The following TIMMDC1 variants were observed in gnomAD, a reference collection of about 807,000 sequenced individuals.
TIMMDC1 encodes the protein translocase of inner mitochondrial membrane domain containing 1.
A neutral mutation model predicts 32.6 loss-of-function variants in TIMMDC1; 25 were observed. The observed-to-expected ratio is 0.77, with a 90% CI of 0.56 to 1.07. The LOEUF (loss-of-function observed/expected upper bound fraction) is 1.07, where lower values mean the gene tolerates loss of function less well. Among genes scored for constraint, TIMMDC1 ranks in the 50% least tolerant of loss-of-function variants. The pLI is 0.00. For synonymous variants in TIMMDC1, 130 were observed against 127.6 expected, an observed-to-expected ratio of 1.02 and a Z score of -0.13; for missense variants, 329 against 349.2, an observed-to-expected ratio of 0.94 and a Z score of 0.46.
Position 119,498,902 on chromosome 3 carries a change from C to A in TIMMDC1, c.169C>A (p.Arg57Ser). The change falls in exon 1 of 7, where the codon CGC becomes AGC. Residue 57 changes from arginine (R) to serine (S), a missense_variant. By Grantham distance (110) the Arg-to-Ser change is moderately radical. Transcript: ENST00000494664. Reference protein sequence around the residue: ...EPYYPESGWDRLRELFGKDEQ... With the variant: ...EPYYPESGWDSLRELFGKDEQ... ...CTATTACCCGGAATCTGGATGGGAC[C>A]GCCTCCGGGAGCTGTTTGGCAAAGA... is the stretch of plus-strand genomic sequence containing the variant. The A allele has an allele frequency of 1.2e-6, 2 of 1,613,884 alleles. No homozygotes were observed. Among genetic ancestry groups the A allele is most frequent in the Non-Finnish European group, 1.7e-6 (2 of 1,179,944 alleles).
intron 5 of TIMMDC1, 115 bp downstream of exon 5, chr3:119,513,834 A>G: frequency 1.5e-6 from 1 of 651,618 alleles, no homozygotes; most frequent in South Asian, 2.3e-5. Context: ...TCTATAAAAG[A>G]TCTCTAGTCT....
chr3:119,518,692 G>C (rs1264801632), intron 6 of TIMMDC1, among the ~76,000 whole-genome samples: 1 of 152,186 alleles, frequency 6.6e-6, no homozygotes, highest in African/African-American at 2.4e-5. Flanking sequence ...TTCACCTGGA[G>C]TCTTCCACCA....
chr3:119,514,029 T>C (rs1377910230), intron 5 of TIMMDC1, among the ~76,000 whole-genome samples: 1 of 152,224 alleles, frequency 6.6e-6, no homozygotes, highest in Non-Finnish European at 1.5e-5. Flanking sequence ...TGTTTAAATA[T>C]TGCTAACACC....
At chr3:119,522,057 G>A (rs1301581517) in intron 6 of TIMMDC1, among the ~76,000 whole-genome samples, 2 of 152,060 alleles carry the variant, frequency 1.3e-5, no homozygotes, top group Admixed American at 1.3e-4. Flanking sequence ...TCCCTACTAG[G>A]TATTTATCCA....
chr3:119,517,069 C>T, intron 5 of TIMMDC1, 136 bp from the exon 6 acceptor site: 1 of 507,760 alleles, frequency 2.0e-6, no homozygotes. Context: ...GACAAGGACA[C>T]TTTAATTCTC....
At chr3:119,522,749 A>G (rs2082035333) in intron 6 of TIMMDC1, among the ~76,000 whole-genome samples, 1 of 152,122 alleles carries the variant, frequency 6.6e-6, no homozygotes, top group Non-Finnish European at 1.5e-5. Flanking sequence ...TAATGAAAGA[A>G]TACTTTGGCA....
At chr3:119,511,330 A>T (rs2081950817) in intron 4 of TIMMDC1, among the ~76,000 whole-genome samples, 1 of 151,768 alleles carries the variant, frequency 6.6e-6, no homozygotes, top group South Asian at 2.1e-4. Flanking sequence ...AATAAAAAAA[A>T]TAGTTGTGGT....
At chr3:119,499,095 T>C (rs913744269) in intron 1 of TIMMDC1, among the ~76,000 whole-genome samples, 168 bp downstream of exon 1, 1 of 143,522 alleles carries the variant, frequency 7.0e-6, no homozygotes, top group African/African-American at 2.6e-5. Flanking sequence ...TTTCTTTCTT[T>C]TTTTTTTTTT....
chr3:119,518,290 T>C (rs1043507711), intron 6 of TIMMDC1, among the ~76,000 whole-genome samples: 1 of 152,192 alleles, frequency 6.6e-6, no homozygotes, highest in Non-Finnish European at 1.5e-5. Context: ...CCTGGGTACC[T>C]AAGACAGCAT....
In TIMMDC1 at chr3:119,513,677, T is replaced by G; in HGVS notation, c.554T>G (p.Leu185Arg). The change falls in exon 5 of 7, where the codon CTG (leucine) becomes CGG (arginine). Residue 185 changes from leucine (L) to arginine (R), a missense_variant. Transcript: ENST00000494664. ...TGSLFRINVG[L>R]RGLVAGGIIG... ...AGTCTTTTTAGGATAAACGTAGGCCTGCGTGGCCTGGTGGCTGGTGGCATA... is the reference window on the plus strand; with the variant it reads ...AGTCTTTTTAGGATAAACGTAGGCCGGCGTGGCCTGGTGGCTGGTGGCATA... 5.6e-6 allele frequency: 9 copies of G among 1,610,668 alleles called. No homozygotes were observed. The highest frequency in any genetic ancestry group is 3.4e-5 in the Admixed American group (2 of 59,312).
In TIMMDC1 at chr3:119,505,695, T is replaced by G. The variant is rs367745091; in HGVS notation, c.517+1674T>G. 3.1e-4 allele frequency among the ~76,000 whole-genome samples: 47 copies of G among 152,304 alleles called. 1 individual carries two copies. Among genetic ancestry groups the G allele is most frequent in the African/African-American group, 1.1e-3 (47 of 41,566 alleles). On this transcript the variant is annotated intron_variant, in intron 4 of 6. Coordinates refer to ENST00000494664, the MANE Select transcript of TIMMDC1 (RefSeq NM_016589.4). ...ACATAACAGTTTTTAAATGTTTTTTTGGGAATAAGCTTACAAAAGATTGCA... is the reference window on the plus strand; with the variant it reads ...ACATAACAGTTTTTAAATGTTTTTTGGGGAATAAGCTTACAAAAGATTGCA...
intron 5 of TIMMDC1, among the ~76,000 whole-genome samples, chr3:119,514,881 GGTT>G (rs779662618): frequency 1.2e-4 from 18 of 152,202 alleles, no homozygotes; most frequent in Non-Finnish European, 2.2e-4. Flanking sequence ...AGCTCATTCA[GGTT>G]GTTGACAGAA....
At chr3:119,500,639 T>C (rs574143166) in intron 1 of TIMMDC1, 56 bp from the exon 2 acceptor site, 21 of 1,514,940 alleles carry the variant, frequency 1.4e-5, no homozygotes, top group Non-Finnish European at 1.8e-5. Context: ...TAGAGTCTCT[T>C]GGAGAGCAAT....
Position 119,498,651 on chromosome 3 carries a change from G to T in TIMMDC1, c.-83G>T, listed in dbSNP as rs1171478766. 50 of 1,384,028 alleles carry T rather than the reference G, an allele frequency of 3.6e-5. No individual in the cohort carries two copies. Among genetic ancestry groups the T allele is most frequent in the Non-Finnish European group, 4.9e-5 (49 of 991,442 alleles). 85.7% of individuals were successfully genotyped at this position (1,384,028 alleles called of 1,614,324 possible). ...GGTCAAATGCACGGATTCTCACCTC[G>T]TACAGTTACGCTCTCCCGCGGCACG... is the stretch of plus-strand genomic sequence containing the variant. On this transcript the variant is annotated 5_prime_UTR_variant, in exon 1 of 7. Coordinates refer to ENST00000494664, the MANE Select transcript of TIMMDC1 (RefSeq NM_016589.4).
At chr3:119,504,812 T>G (rs1415289776) in intron 4 of TIMMDC1, among the ~76,000 whole-genome samples, 2 of 152,166 alleles carry the variant, frequency 1.3e-5, no homozygotes, top group Non-Finnish European at 2.9e-5. Flanking sequence ...GGCCAAGCGG[T>G]GGCTCACACC....
chr3:119,517,217 A>C lies in TIMMDC1; in HGVS notation c.609A>C (p.Gly203=), dbSNP rs768071644. The C allele has an allele frequency of 1.9e-6, 3 of 1,612,072 alleles. No homozygotes were observed. Among genetic ancestry groups the C allele is most frequent in the Admixed American group, 1.7e-5 (1 of 59,972 alleles). The change falls in exon 6 of 7, where the codon GGA becomes GGC. Residue 203 remains glycine, a synonymous_variant. Coordinates refer to ENST00000494664, the MANE Select transcript of TIMMDC1 (RefSeq NM_016589.4). ...CCTTTCTTCTCAGCACTCCTGTAGGAGGCCTGCTGATGGCATTTCAGAAGT... is the reference window on the plus strand; with the variant it reads ...CCTTTCTTCTCAGCACTCCTGTAGGCGGCCTGCTGATGGCATTTCAGAAGT... ...IIGALLGTPV[G]GLLMAFQKYS...
intron 5 of TIMMDC1, among the ~76,000 whole-genome samples, chr3:119,513,977 A>C (rs1408730662): frequency 1.3e-5 from 2 of 152,190 alleles, no homozygotes; most frequent in African/African-American, 4.8e-5. Flanking sequence ...CAACTATCTA[A>C]GATAGGGCCC....
In TIMMDC1 at chr3:119,503,562, T is replaced by C. The variant is rs371314548; in HGVS notation, c.391T>C (p.Phe131Leu). ...QSAHRAATRGFIRYGWRWGWR... is the reference protein window; with the variant it reads ...QSAHRAATRGLIRYGWRWGWR... ...TGCACATCGTGCTGCCACACGAGGC[T>C]TCATTCGTTATGGCTGGCGCTGGGG... Residue 131 changes from phenylalanine to leucine, a missense_variant, in exon 3 of 7, where the codon TTC (phenylalanine) becomes CTC (leucine). By Grantham distance (22) the Phe-to-Leu change is conservative. Coordinates refer to ENST00000494664, the MANE Select transcript of TIMMDC1 (RefSeq NM_016589.4). 1.0e-4 allele frequency: 168 copies of C among 1,612,412 alleles called. No homozygotes were observed. Among genetic ancestry groups the C allele is most frequent in the Admixed American group, 1.7e-4 (10 of 59,574 alleles).
intron 4 of TIMMDC1, among the ~76,000 whole-genome samples, chr3:119,506,416 G>A (rs1277196404): frequency 6.6e-6 from 1 of 152,072 alleles, no homozygotes; most frequent in Non-Finnish European, 1.5e-5. Flanking sequence ...CTACTCAGGA[G>A]GCTGAGGTGG....
Sources: allele counts gnomAD v4.1 joint callset (sites outside exome capture counted in the v4.1 genomes callset), GRCh38; gene constraint gnomAD v4.1.1; transcripts MANE v1.5; gene names NCBI Gene and HGNC (gene_info 2026-07-23, HGNC 2026-07-21).